Variants in SH3RF1 observed in about 807,000 individuals in gnomAD.
SH3RF1 encodes the protein SH3 domain containing ring finger 1.
Under a neutral mutation model 74.0 loss-of-function variants are expected in SH3RF1, and 32 were observed. The ratio of observed to expected loss-of-function variants is 0.43; its 90% CI spans 0.33 to 0.58. SH3RF1 has a LOEUF of 0.58. SH3RF1 is among the 20% of genes least tolerant of loss of function. The pLI, the probability that SH3RF1 is intolerant of heterozygous loss-of-function variation, is 0.05. For synonymous variants in SH3RF1, 396 were observed against 439.6 expected (o/e 0.90, Z 1.24); for missense variants, 954 against 1,130.9 (o/e 0.84, Z 2.24).
At chr4:169,185,365 G>A (rs561249802) in intron 2 of SH3RF1, among the ~76,000 whole-genome samples, 2 of 152,296 alleles carry the variant, frequency 1.3e-5, no homozygotes, top group South Asian at 4.1e-4. Flanking sequence ...GCAAGGAAAA[G>A]GGAAGAATTC....
At chr4:169,097,893 G>A (rs1165114063) in intron 11 of SH3RF1, among the ~76,000 whole-genome samples, 2 of 152,232 alleles carry the variant, frequency 1.3e-5, no homozygotes, top group Admixed American at 6.5e-5. Context: ...GCCATGTTGT[G>A]AGGACACTCA....
intron 11 of SH3RF1, among the ~76,000 whole-genome samples, chr4:169,105,599 G>T (rs1190196724): frequency 6.6e-6 from 1 of 152,226 alleles, no homozygotes; most frequent in Non-Finnish European, 1.5e-5. Context: ...TCAGGAAGAA[G>T]AAGAGAGTTC....
intron 11 of SH3RF1, among the ~76,000 whole-genome samples, chr4:169,101,593 T>C (rs1420564294): frequency 6.9e-6 from 1 of 144,450 alleles, no homozygotes; most frequent in African/African-American, 2.6e-5. Context: ...CTTGAAAAAA[T>C]AGTAAATTTT....
At chr4:169,114,501 C>T (rs1426581655) in intron 10 of SH3RF1, among the ~76,000 whole-genome samples, 2 of 151,768 alleles carry the variant, frequency 1.3e-5, no homozygotes, top group African/African-American at 4.9e-5. Context: ...AGGAGGTGGA[C>T]ATCCTTGGGG....
At chr4:169,163,856 C>T (rs1667698398) in intron 2 of SH3RF1, among the ~76,000 whole-genome samples, 2 of 152,164 alleles carry the variant, frequency 1.3e-5, no homozygotes, top group South Asian at 2.1e-4. Flanking sequence ...AATTATGCTG[C>T]ATTTCTTTCA....
intron 4 of SH3RF1, among the ~76,000 whole-genome samples, chr4:169,145,942 ATAT>A (rs142502481): frequency 8.4e-6 from 1 of 118,988 alleles, no homozygotes; most frequent in African/African-American, 3.4e-5. Context: ...CATATTCTAT[ATAT>A]TATTCTATAT....
chr4:169,223,987 A>G (rs970481009), intron 2 of SH3RF1, among the ~76,000 whole-genome samples: 2 of 152,270 alleles, frequency 1.3e-5, no homozygotes, highest in Non-Finnish European at 2.9e-5. Context: ...AAAGATAAGT[A>G]CAGGTAAGAA....
intron 2 of SH3RF1, among the ~76,000 whole-genome samples, chr4:169,241,290 T>C (rs544039175): frequency 6.8e-4 from 103 of 152,342 alleles, no homozygotes; most frequent in African/African-American, 2.4e-3. Context: ...ATGTGAAAAG[T>C]ATCCAAGTTT....
At chr4:169,223,958 A>C (rs1484602536) in intron 2 of SH3RF1, among the ~76,000 whole-genome samples, 1 of 152,188 alleles carries the variant, frequency 6.6e-6, no homozygotes, top group Non-Finnish European at 1.5e-5. Context: ...TGAATCAAAG[A>C]GGTAAGAGAT....
intron 2 of SH3RF1, among the ~76,000 whole-genome samples, chr4:169,169,131 C>T (rs2126972078): frequency 6.6e-6 from 1 of 152,214 alleles, no homozygotes; most frequent in South Asian, 2.1e-4. Context: ...TTCAAAGGAG[C>T]ATTCTTCTAG....
chr4:169,270,388 G>T lies in SH3RF1; in HGVS notation c.-96+471C>A, dbSNP rs916801940. 2.6e-5 allele frequency among the ~76,000 whole-genome samples: 4 copies of T among 152,142 alleles called. No individual in the cohort carries two copies. In the East Asian group the frequency reaches 7.7e-4, roughly 29 times the overall value. On this transcript the variant is annotated intron_variant, in intron 1 of 11. Transcript: ENST00000284637. The stretch of plus-strand genomic sequence containing the variant: ...GCGGCCCGGCCGGTCCCGGCGTGGG[G>T]ATCTCACCCTACAGCCTCCCTCATC...
chr4:169,190,922 ACAAGT>A (rs781229444), intron 2 of SH3RF1, among the ~76,000 whole-genome samples: 92 of 152,312 alleles, frequency 6.0e-4, no homozygotes, highest in Non-Finnish European at 1.0e-3. Context: ...TTTAACACAC[ACAAGT>A]CAATAAATGT....
intron 4 of SH3RF1, among the ~76,000 whole-genome samples, chr4:169,147,750 G>A (rs928869707): frequency 1.2e-4 from 18 of 152,170 alleles, no homozygotes; most frequent in African/African-American, 3.9e-4. Context: ...CCCCATTGAT[G>A]TAATAAAGAT....
chr4:169,184,962 T>C (rs1734579360), intron 2 of SH3RF1, among the ~76,000 whole-genome samples: 1 of 152,170 alleles, frequency 6.6e-6, no homozygotes, highest in South Asian at 2.1e-4. Flanking sequence ...AATAGTGAAG[T>C]TACAGGACCA....
chr4:169,159,779 T>C (rs1734122447), intron 2 of SH3RF1, among the ~76,000 whole-genome samples: 1 of 152,222 alleles, frequency 6.6e-6, no homozygotes, highest in South Asian at 2.1e-4. Flanking sequence ...CTTTCCCTTT[T>C]AGATGAATTC....
In SH3RF1 at chr4:169,094,780, T is replaced by A. The variant is rs1732885334; in HGVS notation, c.*1739A>T. 6.6e-6 allele frequency: 1 copy of A among 150,886 alleles called. No homozygotes were observed. Among genetic ancestry groups the A allele is most frequent in the South Asian group, 2.1e-4 (1 of 4,800 alleles). 9.3% of individuals were successfully genotyped at this position (150,886 alleles called of 1,614,324 possible). On this transcript the variant is annotated 3_prime_UTR_variant, in exon 12 of 12. Coordinates refer to ENST00000284637, the MANE Select transcript of SH3RF1 (RefSeq NM_020870.4). The stretch of plus-strand genomic sequence containing the variant: ...CACAGGAACATAATATACATTGTTT[T>A]TTTTTAAAAAAAAGGTTAATTTAGG...
chr4:169,176,341 T>TGACG (rs1406580478), intron 2 of SH3RF1, among the ~76,000 whole-genome samples: 7 of 152,226 alleles, frequency 4.6e-5, no homozygotes, highest in Non-Finnish European at 7.3e-5. Flanking sequence ...ATAATTTGAA[T>TGACG]GACGGTACAT....
chr4:169,178,562 C>G (rs937412167), intron 2 of SH3RF1, among the ~76,000 whole-genome samples: 28 of 152,072 alleles, frequency 1.8e-4, no homozygotes, highest in African/African-American at 6.5e-4. Context: ...TACTTTGGTT[C>G]TGACATACTG....
In SH3RF1 at chr4:169,179,197, G is replaced by A. The variant is rs75111503; in HGVS notation, c.394-22518C>T. On this transcript the variant is annotated intron_variant, in intron 2 of 11. Coordinates refer to ENST00000284637, the MANE Select transcript of SH3RF1 (RefSeq NM_020870.4). ...GAGAGTCAGAGGGTAACATGACTAA[G>A]GGAGAATGGTCACAGAGATGCAACT... Among the ~76,000 whole-genome samples, 79 of 152,310 alleles carry A rather than the reference G, an allele frequency of 5.2e-4. 1 individual carries two copies. The East Asian group carries it at 0.014, about 27-fold the overall frequency.
Sources: allele counts gnomAD v4.1 joint callset (sites outside exome capture counted in the v4.1 genomes callset), GRCh38; gene constraint gnomAD v4.1.1; transcripts MANE v1.5; gene names NCBI Gene and HGNC (gene_info 2026-07-23, HGNC 2026-07-21).